Variants in ARHGEF19 observed in about 807,000 individuals in gnomAD.
ARHGEF19 encodes the protein Rho guanine nucleotide exchange factor (GEF) 19.
In ARHGEF19, 92 loss-of-function variants were observed where a neutral mutation model predicts 87.6. That is an observed-to-expected ratio of 1.05 (90% CI 0.89 to 1.25). The LOEUF is 1.25. ARHGEF19 is among the 50% of genes most tolerant of loss of function. The pLI, the probability that ARHGEF19 is intolerant of heterozygous loss-of-function variation, is 0.00. For missense variants in ARHGEF19, 1,054 were observed against 1,051.8 expected, an observed-to-expected ratio of 1.00 and a Z score of -0.03; for synonymous variants, 438 against 446.2, an observed-to-expected ratio of 0.98 and a Z score of 0.23.
In ARHGEF19 at chr1:16,207,005, G is replaced by A. The variant is rs1293308628; in HGVS notation, c.1080C>T (p.Asp360=). 1.8e-5 allele frequency: 28 copies of A among 1,517,336 alleles called. No individual in the cohort carries two copies. The highest frequency in any genetic ancestry group is 2.3e-5 in the Non-Finnish European group (26 of 1,135,760). The allele number at this position is 1,517,336 out of a possible 1,614,324, so 94.0% of individuals were successfully genotyped here. A position where few individuals can be genotyped will look rare whatever the true frequency, so the allele number is the denominator to read the frequency against. ...TGGCCAGGACGCCGCTGCCGCGTACGTCGGGGATATCCTGCCACAGCGAGA... is the reference window on the plus strand; with the variant it reads ...TGGCCAGGACGCCGCTGCCGCGTACATCGGGGATATCCTGCCACAGCGAGA... ...STFSLWQDIP[D]VRGSGVLATL... The change falls in exon 6 of 16, where the codon GAC becomes GAT. Residue 360 remains aspartate (D), a synonymous_variant. Coordinates refer to ENST00000270747, the MANE Select transcript of ARHGEF19 (RefSeq NM_153213.5). The surrounding 1 kb of genome is among the most constrained non-coding windows in gnomAD (Gnocchi z 4.0).
Position 16,206,469 on chromosome 1 carries a change from T to G in ARHGEF19, c.1138-129A>C, listed in dbSNP as rs1569710933. ...CCCTTCTCTAGCCCCACTCCTAATC[T>G]GGCGCCGGGCGGGCCCGGCGACCCA... On this transcript the variant is annotated intron_variant, in intron 6 of 15. Coordinates refer to ENST00000270747, the MANE Select transcript of ARHGEF19 (RefSeq NM_153213.5). The surrounding 1 kb of genome is among the most constrained non-coding windows in gnomAD (Gnocchi z 4.6). 1.9e-6 allele frequency: 2 copies of G among 1,062,964 alleles called. No individual in the cohort carries two copies. Among genetic ancestry groups the G allele is most frequent in the South Asian group, 1.5e-5 (1 of 66,732 alleles). The allele number at this position is 1,062,964 out of a possible 1,614,324, so 65.8% of individuals were successfully genotyped here. A position where few individuals can be genotyped will look rare whatever the true frequency, so the allele number is the denominator to read the frequency against.
rs1362006524 is a variant in ARHGEF19, at chr1:16,208,650, C to T, written c.405G>A (p.Lys135=). 37 of 1,603,350 alleles carry T rather than the reference C, an allele frequency of 2.3e-5. No individual in the cohort carries two copies. The highest frequency in any genetic ancestry group is 3.1e-5 in the Non-Finnish European group (36 of 1,176,546). ...QRRASHGSEK[K]SAWRKMRVYQ... is the part of the protein sequence containing the mutation. ...TTCCCCAGGGTGACTCACAGGCAGA[C>T]TTCTTCTCCGAGCCGTGGCTGGCCC... The change falls in exon 2 of 16, where the codon AAG becomes AAA. Residue 135 remains lysine (K), a synonymous_variant. Transcript: ENST00000270747.
chr1:16,211,126 C>T (rs932969774), intron 1 of ARHGEF19, among the ~76,000 whole-genome samples: 4 of 152,234 alleles, frequency 2.6e-5, no homozygotes, highest in East Asian at 1.9e-4. Context: ...TCGGTCTCCT[C>T]ATCCGGCAAA....
At chr1:16,204,657 G>T in intron 12 of ARHGEF19, 102 bp downstream of exon 12, 1 of 1,383,100 alleles carries the variant, frequency 7.2e-7, no homozygotes, top group Admixed American at 2.6e-5. Flanking sequence ...GGCACAGGCA[G>T]GGACTCCCAG....
chr1:16,206,120 G>C lies in ARHGEF19; in HGVS notation c.1299-37C>G. ...GAGCCAGGATGGAGACCCCAGATCTGGGAGCTGGCCAACCACTGGCTCCGT... is the reference window on the plus strand; with the variant it reads ...GAGCCAGGATGGAGACCCCAGATCTCGGAGCTGGCCAACCACTGGCTCCGT... On this transcript the variant is annotated intron_variant, in intron 7 of 15. Transcript: ENST00000270747. This position sits in a 1 kb window ranked among gnomAD's most constrained non-coding sequence, Gnocchi z 4.6. The C allele has an allele frequency of 1.3e-6, 2 of 1,574,572 alleles. No homozygotes were observed. Among genetic ancestry groups the C allele is most frequent in the Non-Finnish European group, 1.7e-6 (2 of 1,158,768 alleles).
rs1424170743 is a variant in ARHGEF19 at position 16,201,823 on chromosome 1, G to A, written c.2105C>T (p.Ser702Phe). ...GACCTCCTTGTCCTCCTGGGGGCTG[G>A]AGGGGCACAAGGCTGAGATCCATCG... ...KQRWISALCP[S>F]SPQEDKEVIS... The change falls in exon 14 of 16, where the codon TCC becomes TTC. Residue 702 changes from serine to phenylalanine, a missense_variant. Transcript: ENST00000270747. 8 of 1,613,768 alleles carry A rather than the reference G, an allele frequency of 5.0e-6. No homozygotes were observed. The highest frequency in any genetic ancestry group is 2.2e-5 in the East Asian group (1 of 44,884).
Position 16,202,470 on chromosome 1 carries a change from T to C in ARHGEF19, c.2012A>G (p.Gln671Arg). 6.2e-7 allele frequency: 1 copy of C among 1,614,144 alleles called. No individual in the cohort carries two copies. The highest frequency in any genetic ancestry group is 2.2e-5 in the East Asian group (1 of 44,886). ...CTTCATGTGCTGCCCGTGGAGGAGC[T>C]GGAGGAGGAACACGTGGCCGGGGAT... Reference protein sequence around the residue: ...QGIPGHVFLLQLLHGQHMKHQ... With the variant: ...QGIPGHVFLLRLLHGQHMKHQ... Residue 671 changes from glutamine to arginine, a missense_variant, in exon 13 of 16, where the codon CAG becomes CGG. Coordinates refer to ENST00000270747, the MANE Select transcript of ARHGEF19 (RefSeq NM_153213.5).
At chr1:16,203,533 A>C (rs1336868764) in intron 12 of ARHGEF19, among the ~76,000 whole-genome samples, 1 of 151,988 alleles carries the variant, frequency 6.6e-6, no homozygotes, top group Non-Finnish European at 1.5e-5. Flanking sequence ...GCAAAATATC[A>C]TCCCTCTGCT....
Position 16,206,593 on chromosome 1 carries a change from C to CT in ARHGEF19, c.1138-254_1138-253insA, listed in dbSNP as rs1378765832. On this transcript the variant is annotated intron_variant, in intron 6 of 15. Transcript: ENST00000270747. The surrounding 1 kb of genome is among the most constrained non-coding windows in gnomAD (Gnocchi z 4.6). ...CGTTCTTCCCAGAGCCCCGCCCACC[C>CT]CCCAGGTCCCGCCCCTGATCCTGGC... is the stretch of plus-strand genomic sequence containing the variant. 5 of 534,114 alleles carry CT rather than the reference C, an allele frequency of 9.4e-6. No homozygotes were observed. In the South Asian group the frequency reaches 1.1e-4, roughly 12 times the overall value. 33.1% of individuals were successfully genotyped at this position (534,114 alleles called of 1,614,324 possible). A position where few individuals can be genotyped will look rare whatever the true frequency, so the allele number is the denominator to read the frequency against.
Position 16,207,812 on chromosome 1 carries a change from G to C in ARHGEF19, c.695-35C>G, listed in dbSNP as rs2081159070. ...GCGAGAACTGAGGGTGGGGGGTCCA[G>C]AGAGTGGGCCTGGGGCCTGGGCCCC... On this transcript the variant is annotated intron_variant, in intron 3 of 15. Coordinates refer to ENST00000270747, the MANE Select transcript of ARHGEF19 (RefSeq NM_153213.5). This position sits in a 1 kb window ranked among gnomAD's most constrained non-coding sequence, Gnocchi z 4.0. 1 of 1,610,790 alleles carries C rather than the reference G, an allele frequency of 6.2e-7. No homozygotes were observed. Among genetic ancestry groups the C allele is most frequent in the East Asian group, 2.2e-5 (1 of 44,854 alleles).
rs187392631 is a variant in ARHGEF19, at chr1:16,205,480, C to T, written c.1582-55G>A. 9 of 1,612,198 alleles carry T rather than the reference C, an allele frequency of 5.6e-6. No homozygotes were observed. Among genetic ancestry groups the T allele is most frequent in the Middle Eastern group, 1.7e-4 (1 of 6,036 alleles). The stretch of plus-strand genomic sequence containing the variant: ...GTCCTCATACTCCCGAGACCCGGCC[C>T]GCCCACAGGTGTATCTCCCTCGCCC... On this transcript the variant is annotated intron_variant, in intron 9 of 15. Transcript: ENST00000270747. This position sits in a 1 kb window ranked among gnomAD's most constrained non-coding sequence, Gnocchi z 5.8.
At position 16,206,864 on chromosome 1, in the gene ARHGEF19, C is replaced by T. The variant is rs945676120; in HGVS notation, c.1137+84G>A. On this transcript the variant is annotated intron_variant, in intron 6 of 15. Transcript: ENST00000270747. This position sits in a 1 kb window ranked among gnomAD's most constrained non-coding sequence, Gnocchi z 4.6. ...CAACCCCCTTTGTGTGTCCCCCTCC[C>T]TCTATGGCCCGGTTCCCGCTAAGTC... 2 of 1,372,224 alleles carry T rather than the reference C, an allele frequency of 1.5e-6. No homozygotes were observed. The highest frequency in any genetic ancestry group is 3.6e-5 in the Admixed American group (1 of 27,594). 85.0% of individuals were successfully genotyped at this position (1,372,224 alleles called of 1,614,324 possible). A position where few individuals can be genotyped will look rare whatever the true frequency, so the allele number is the denominator to read the frequency against.
intron 1 of ARHGEF19, among the ~76,000 whole-genome samples, chr1:16,210,971 C>CCTTCA (rs375155882): frequency 6.6e-6 from 1 of 152,108 alleles, no homozygotes; most frequent in Non-Finnish European, 1.5e-5. Flanking sequence ...CCCCCTGCTC[C>CCTTCA]CTTCACCCTG....
intron 12 of ARHGEF19, among the ~76,000 whole-genome samples, chr1:16,203,057 T>G (rs2081097249): frequency 6.6e-6 from 1 of 152,018 alleles, no homozygotes; most frequent in Non-Finnish European, 1.5e-5. Flanking sequence ...CTGAGGAGTG[T>G]CTAACTCTCT....
Position 16,205,751 on chromosome 1 carries a change from G to A in ARHGEF19, c.1452-84C>T. On this transcript the variant is annotated intron_variant, in intron 8 of 15. Coordinates refer to ENST00000270747, the MANE Select transcript of ARHGEF19 (RefSeq NM_153213.5). The surrounding 1 kb of genome is among the most constrained non-coding windows in gnomAD (Gnocchi z 5.8). The stretch of plus-strand genomic sequence containing the variant: ...CCCTGGCCATCCACGGGGTCCTCAG[G>A]GGGCTTCTCAGCACATCCTTACTGC... 1 of 1,517,394 alleles carries A rather than the reference G, an allele frequency of 6.6e-7. No homozygotes were observed. The highest frequency in any genetic ancestry group is 8.8e-7 in the Non-Finnish European group (1 of 1,131,620). The allele number at this position is 1,517,394 out of a possible 1,614,324, so 94.0% of individuals were successfully genotyped here.
chr1:16,201,937 G>C (rs2081086584), intron 13 of ARHGEF19, 76 bp from the exon 14 acceptor site: 1 of 1,463,144 alleles, frequency 6.8e-7, no homozygotes, highest in Non-Finnish European at 9.4e-7. Context: ...AACCAAGGCT[G>C]GGGGAGCCAG....
At chr1:16,200,557 A>G (rs996932773) in intron 14 of ARHGEF19, among the ~76,000 whole-genome samples, 1 of 152,168 alleles carries the variant, frequency 6.6e-6, no homozygotes, top group Non-Finnish European at 1.5e-5. Context: ...AGCCATGGTC[A>G]ACATGGCAAA....
chr1:16,205,049 C>T lies in ARHGEF19; in HGVS notation c.1746+38G>A. 3 of 1,572,838 alleles carry T rather than the reference C, an allele frequency of 1.9e-6. No individual in the cohort carries two copies. Among genetic ancestry groups the T allele is most frequent in the Non-Finnish European group, 2.6e-6 (3 of 1,158,752 alleles). ...AGGGCAAGGAAGAAACAAGAGCTGC[C>T]CCTTGGGGTCCCCATCCCGCTGGCT... On this transcript the variant is annotated intron_variant, in intron 11 of 15. Transcript: ENST00000270747. The surrounding 1 kb of genome is among the most constrained non-coding windows in gnomAD (Gnocchi z 5.8).
intron 1 of ARHGEF19, 146 bp from the exon 2 acceptor site, chr1:16,209,229 T>G: frequency 1.4e-5 from 7 of 500,984 alleles, no homozygotes; most frequent in Non-Finnish European, 1.9e-5. Context: ...TATATAGAAA[T>G]AGCTGATACT....
Sources: allele counts gnomAD v4.1 joint callset (sites outside exome capture counted in the v4.1 genomes callset), GRCh38; gene constraint gnomAD v4.1.1; non-coding constraint Gnocchi (gnomAD v3.1); transcripts MANE v1.5; gene names NCBI Gene and HGNC (gene_info 2026-07-23, HGNC 2026-07-21).